Variants in LRRIQ3 observed in about 807,000 individuals in gnomAD.
LRRIQ3 encodes leucine-rich repeat and IQ domain-containing protein 3.
A neutral mutation model predicts 59.3 loss-of-function variants in LRRIQ3; 75 were observed. That is an observed-to-expected ratio of 1.26 (90% CI 1.05 to 1.53). The LOEUF (loss-of-function observed/expected upper bound fraction) is 1.53, where lower values mean the gene tolerates loss of function less well. LRRIQ3 is among the 40% of genes most tolerant of loss of function. The pLI is 0.00. For missense variants in LRRIQ3, 831 were observed against 710.0 expected (o/e 1.17, Z -1.94); for synonymous variants, 250 against 231.3 (o/e 1.08, Z -0.73).
Position 74,155,751 on chromosome 1 carries a change from A to G in LRRIQ3, c.689T>C (p.Leu230Ser). ...AACATACCTCAAATTTTTTCTAACT[A>G]AGAAACCACGTATCCATCTTTGAAC... is the stretch of plus-strand genomic sequence containing the variant. ...LIVQRWIRGF[L>S]VRKNLSPVFF... The change falls in exon 4 of 8, where the codon TTA (leucine) becomes TCA (serine). Residue 230 changes from leucine to serine, a missense_variant. Coordinates refer to ENST00000354431, the MANE Select transcript of LRRIQ3 (RefSeq NM_001105659.2). The G allele has an allele frequency of 6.4e-7, 1 of 1,570,456 alleles. No individual in the cohort carries two copies. The highest frequency in any genetic ancestry group is 8.6e-7 in the Non-Finnish European group (1 of 1,166,662).
intron 7 of LRRIQ3, among the ~76,000 whole-genome samples, chr1:74,031,322 T>C (rs1340201395): frequency 6.6e-6 from 1 of 152,146 alleles, no homozygotes; most frequent in Non-Finnish European, 1.5e-5. Flanking sequence ...CGTTTGTTTA[T>C]TGCAGCACTA....
chr1:74,087,139 T>C (rs897555056), intron 5 of LRRIQ3, among the ~76,000 whole-genome samples: 6 of 152,068 alleles, frequency 3.9e-5, no homozygotes, highest in East Asian at 1.9e-4. Flanking sequence ...TTAAAATATA[T>C]AGAGAGAACT....
At chr1:74,103,821 A>G (rs1646568815) in intron 5 of LRRIQ3, among the ~76,000 whole-genome samples, 1 of 150,192 alleles carries the variant, frequency 6.7e-6, no homozygotes. Flanking sequence ...AATTTAAAGT[A>G]GACATAAAAT....
intron 7 of LRRIQ3, among the ~76,000 whole-genome samples, chr1:74,032,368 C>T (rs1288868014): frequency 6.6e-6 from 1 of 151,902 alleles, no homozygotes; most frequent in Non-Finnish European, 1.5e-5. Context: ...TTCATTAGGT[C>T]AGAAGTCCAG....
At chr1:74,037,731 G>A (rs1653915100) in intron 7 of LRRIQ3, among the ~76,000 whole-genome samples, 1 of 152,200 alleles carries the variant, frequency 6.6e-6, no homozygotes, top group African/African-American at 2.4e-5. Flanking sequence ...GAAGAGCAGT[G>A]TGCTGTGGTG....
intron 1 of LRRIQ3, among the ~76,000 whole-genome samples, chr1:74,190,708 C>A (rs1434296848): frequency 6.6e-6 from 1 of 151,250 alleles, no homozygotes; most frequent in Non-Finnish European, 1.5e-5. Context: ...CAACCTCACA[C>A]CTAGATAATT....
At chr1:74,147,390 T>C (rs1252075657) in intron 4 of LRRIQ3, among the ~76,000 whole-genome samples, 1 of 152,222 alleles carries the variant, frequency 6.6e-6, no homozygotes, top group Non-Finnish European at 1.5e-5. Flanking sequence ...TGGTCAACCA[T>C]GAAAGATTCT....
At chr1:74,079,572 C>T (rs941619122) in intron 5 of LRRIQ3, among the ~76,000 whole-genome samples, 1 of 151,762 alleles carries the variant, frequency 6.6e-6, no homozygotes, top group African/African-American at 2.4e-5. Context: ...ATTTTGTTTG[C>T]TAACGTAGGT....
intron 7 of LRRIQ3, among the ~76,000 whole-genome samples, chr1:74,040,800 G>A (rs1194913167): frequency 6.6e-6 from 1 of 152,086 alleles, no homozygotes; most frequent in Non-Finnish European, 1.5e-5. Flanking sequence ...GTATTAAGAG[G>A]GAAATTTATA....
intron 3 of LRRIQ3, among the ~76,000 whole-genome samples, chr1:74,171,138 CATTT>C (rs1649298434): frequency 1.3e-5 from 2 of 152,090 alleles, no homozygotes; most frequent in Admixed American, 6.6e-5. Context: ...ACTTTCATGG[CATTT>C]ATTTATTTGT....
chr1:74,099,954 T>C (rs1248645824), intron 5 of LRRIQ3, among the ~76,000 whole-genome samples: 1 of 152,164 alleles, frequency 6.6e-6, no homozygotes. Flanking sequence ...AATATCATAC[T>C]GAATGGGCAA....
intron 3 of LRRIQ3, among the ~76,000 whole-genome samples, chr1:74,174,312 T>A (rs896773189): frequency 6.6e-6 from 1 of 151,712 alleles, no homozygotes; most frequent in Non-Finnish European, 1.5e-5. Flanking sequence ...CTGTTGAAAC[T>A]CTCTATTGAA....
chr1:74,137,388 A>G (rs908718057), intron 4 of LRRIQ3, among the ~76,000 whole-genome samples: 1 of 152,108 alleles, frequency 6.6e-6, no homozygotes, highest in Non-Finnish European at 1.5e-5. Context: ...CAAAACCACA[A>G]TGAGATACCA....
intron 6 of LRRIQ3, among the ~76,000 whole-genome samples, chr1:74,056,548 T>C (rs1654541310): frequency 6.6e-6 from 1 of 152,046 alleles, no homozygotes; most frequent in Admixed American, 6.6e-5. Flanking sequence ...CATACAAAAA[T>C]CAGTAGTGTT....
intron 6 of LRRIQ3, among the ~76,000 whole-genome samples, chr1:74,051,248 T>C (rs1317561947): frequency 6.6e-6 from 1 of 152,132 alleles, no homozygotes; most frequent in Admixed American, 6.6e-5. Context: ...CATTAAAACA[T>C]TAAAGCAGGA....
chr1:74,053,632 G>A (rs1222116687), intron 6 of LRRIQ3, among the ~76,000 whole-genome samples: 1 of 151,748 alleles, frequency 6.6e-6, no homozygotes, highest in Non-Finnish European at 1.5e-5. Flanking sequence ...GGTTGCAACA[G>A]GATATGATGG....
chr1:74,136,610 TC>T (rs1480476482), intron 4 of LRRIQ3, among the ~76,000 whole-genome samples: 1 of 151,994 alleles, frequency 6.6e-6, no homozygotes, highest in African/African-American at 2.4e-5. Context: ...TTGGAATTAT[TC>T]CCTAATGTGA....
intron 5 of LRRIQ3, among the ~76,000 whole-genome samples, chr1:74,099,057 A>G (rs1260139307): frequency 6.6e-6 from 1 of 152,186 alleles, no homozygotes; most frequent in Non-Finnish European, 1.5e-5. Context: ...CTAAGATCAG[A>G]GCAGAATTGA....
intron 3 of LRRIQ3, among the ~76,000 whole-genome samples, chr1:74,179,619 A>G (rs935583894): frequency 4.6e-5 from 7 of 151,946 alleles, no homozygotes; most frequent in African/African-American, 7.2e-5. Context: ...TTCCTTCTCA[A>G]GAGTTATTTT....
Sources: allele counts gnomAD v4.1 joint callset (sites outside exome capture counted in the v4.1 genomes callset), GRCh38; gene constraint gnomAD v4.1.1; transcripts MANE v1.5; gene names NCBI Gene and HGNC (gene_info 2026-07-23, HGNC 2026-07-21).